TMEM267: variants seen among roughly 807,000 people sequenced by gnomAD.
TMEM267 encodes transmembrane protein C5orf28.
TMEM267 carries 20 observed loss-of-function variants against 19.3 expected under a neutral mutation model. That is an observed-to-expected ratio of 1.04 (90% confidence interval 0.73 to 1.51). The LOEUF (loss-of-function observed/expected upper bound fraction) is 1.51, where lower values mean the gene tolerates loss of function less well. TMEM267 is among the 40% of genes most tolerant of loss of function. The probability of loss-of-function intolerance (pLI) is 0.00; values close to 1 mark genes in which losing one functional copy is unlikely to be tolerated. For synonymous variants in TMEM267, 88 were observed against 90.3 expected (o/e 0.97, Z 0.15); for missense variants, 242 against 261.9 (o/e 0.92, Z 0.52).
At chr5:43,449,569 G>A (rs758381368) in intron 2 of TMEM267, among the ~76,000 whole-genome samples, 1 of 152,186 alleles carries the variant, frequency 6.6e-6, no homozygotes, top group Non-Finnish European at 1.5e-5. Context: ...CTGTAATAAT[G>A]ATAAAAGAAC....
At position 43,445,295 on chromosome 5, in the gene TMEM267, G is replaced by A. The variant is rs1742182373; in HGVS notation, c.*927C>T. The A allele has an allele frequency of 6.6e-6, 1 of 151,868 alleles. No individual in the cohort carries two copies. Among genetic ancestry groups the A allele is most frequent in the Non-Finnish European group, 1.5e-5 (1 of 67,970 alleles). The allele number at this position is 151,868 out of a possible 1,614,324, so 9.4% of individuals were successfully genotyped here. Reference sequence around the variant, plus strand: ...GTATCAGGCAGAGTAAAATATTTTAGAATAGTATATAAAATAGTATATAAA... The same window carrying A: ...GTATCAGGCAGAGTAAAATATTTTAAAATAGTATATAAAATAGTATATAAA... On this transcript the variant is annotated 3_prime_UTR_variant, in exon 3 of 3. Coordinates refer to ENST00000397080, the MANE Select transcript of TMEM267 (RefSeq NM_022483.5).
Position 43,482,839 on chromosome 5 carries a change from C to G in TMEM267, c.-75+983G>C, listed in dbSNP as rs576191199. 6.6e-5 allele frequency among the ~76,000 whole-genome samples: 10 copies of G among 152,314 alleles called. No homozygotes were observed. The South Asian group carries it at 2.1e-3, about 32-fold the overall frequency. ...CTGAATTCCACAAACATATAATTAG[C>G]TGGTCACTTTAATTATACGCTATCA... On this transcript the variant is annotated intron_variant, in intron 1 of 2. Transcript: ENST00000397080.
At chr5:43,472,003 AAC>A (rs1280855516) in intron 1 of TMEM267, among the ~76,000 whole-genome samples, 1 of 152,208 alleles carries the variant, frequency 6.6e-6, no homozygotes, top group East Asian at 1.9e-4. Flanking sequence ...TGAAGAAAAA[AAC>A]ACAGAGAACG....
At position 43,446,559 on chromosome 5, in the gene TMEM267, T is replaced by C. The variant is rs1443514972; in HGVS notation, c.313-2A>G. On this transcript the variant is annotated splice_acceptor_variant, in intron 2 of 2. Coordinates refer to ENST00000397080, the MANE Select transcript of TMEM267 (RefSeq NM_022483.5). LOFTEE classifies it high-confidence loss of function. ...TCTTCGCGGGAGAGTCAAAGCAGCC[T>C]GAGGGAGCAAAGTAATAGCGAGTAT... The C allele has an allele frequency of 6.3e-7, 1 of 1,594,234 alleles. No individual in the cohort carries two copies. Among genetic ancestry groups the C allele is most frequent in the Non-Finnish European group, 8.6e-7 (1 of 1,167,938 alleles).
At chr5:43,471,085 C>T (rs1256067756) in intron 1 of TMEM267, among the ~76,000 whole-genome samples, 1 of 151,916 alleles carries the variant, frequency 6.6e-6, no homozygotes, top group Non-Finnish European at 1.5e-5. Flanking sequence ...AGATAAACAA[C>T]TTCAGTAAAG....
chr5:43,447,966 T>C (rs1742358083), intron 2 of TMEM267, among the ~76,000 whole-genome samples: 1 of 152,154 alleles, frequency 6.6e-6, no homozygotes, highest in East Asian at 1.9e-4. Context: ...AGACACTCTT[T>C]GGAGACTGGA....
At chr5:43,483,577 G>A (rs1312795503) in intron 1 of TMEM267, among the ~76,000 whole-genome samples, 1 of 152,144 alleles carries the variant, frequency 6.6e-6, no homozygotes, top group Non-Finnish European at 1.5e-5. Flanking sequence ...GCCGGAGGGC[G>A]GCGCCAGGGC....
intron 2 of TMEM267, among the ~76,000 whole-genome samples, chr5:43,449,068 G>A (rs1226858367): frequency 6.6e-6 from 1 of 151,994 alleles, no homozygotes; most frequent in Non-Finnish European, 1.5e-5. Context: ...GTATCCAAGG[G>A]AGAATAGGTC....
chr5:43,473,845 C>T (rs931470111), intron 1 of TMEM267, among the ~76,000 whole-genome samples: 5 of 152,298 alleles, frequency 3.3e-5, no homozygotes, highest in Admixed American at 1.3e-4. Context: ...GGAGGCATCA[C>T]GTGACCTGAC....
chr5:43,483,616 G>C (rs1206309999), intron 1 of TMEM267, among the ~76,000 whole-genome samples: 3 of 152,176 alleles, frequency 2.0e-5, no homozygotes, highest in Non-Finnish European at 4.4e-5. Flanking sequence ...CCGCGGGACG[G>C]TGCCGGCTCG....
At chr5:43,454,208 ATTTTT>A (rs374076278) in intron 1 of TMEM267, among the ~76,000 whole-genome samples, 165 bp from the exon 2 acceptor site, 3 of 133,652 alleles carry the variant, frequency 2.2e-5, no homozygotes, top group Non-Finnish European at 4.7e-5. Context: ...AGGAGAATAG[ATTTTT>A]TTTTTTTTTT....
chr5:43,474,289 C>T (rs1276340593), intron 1 of TMEM267, among the ~76,000 whole-genome samples: 1 of 152,198 alleles, frequency 6.6e-6, no homozygotes, highest in Non-Finnish European at 1.5e-5. Flanking sequence ...AGCTTCTACA[C>T]AGCAAAAGAA....
At chr5:43,453,488 C>G (rs1242073615) in intron 2 of TMEM267, among the ~76,000 whole-genome samples, 170 bp downstream of exon 2, 2 of 152,196 alleles carry the variant, frequency 1.3e-5, no homozygotes, top group African/African-American at 2.4e-5. Flanking sequence ...ATTTGATTAG[C>G]AACATGTCTG....
At chr5:43,448,598 G>T (rs1351408701) in intron 2 of TMEM267, among the ~76,000 whole-genome samples, 1 of 152,084 alleles carries the variant, frequency 6.6e-6, no homozygotes, top group Non-Finnish European at 1.5e-5. Context: ...CCAACATGAA[G>T]AAACCCCGTT....
chr5:43,456,070 T>G (rs1742931240), intron 1 of TMEM267, among the ~76,000 whole-genome samples: 2 of 151,636 alleles, frequency 1.3e-5, no homozygotes, highest in African/African-American at 4.8e-5. Flanking sequence ...CTCGAACTCC[T>G]GGCCTCAAGT....
intron 1 of TMEM267, among the ~76,000 whole-genome samples, chr5:43,459,616 G>T (rs925228699): frequency 6.6e-6 from 1 of 152,178 alleles, no homozygotes; most frequent in Non-Finnish European, 1.5e-5. Flanking sequence ...TGATTAATTA[G>T]AACTGAAAAG....
At chr5:43,471,636 C>T (rs1409631121) in intron 1 of TMEM267, among the ~76,000 whole-genome samples, 2 of 152,146 alleles carry the variant, frequency 1.3e-5, no homozygotes, top group Non-Finnish European at 2.9e-5. Context: ...AGAAACAAAT[C>T]TGCACACCTA....
At chr5:43,461,894 C>A (rs940312639) in intron 1 of TMEM267, among the ~76,000 whole-genome samples, 2 of 152,220 alleles carry the variant, frequency 1.3e-5, no homozygotes, top group Non-Finnish European at 2.9e-5. Flanking sequence ...ATAGGCCTGG[C>A]TGGCTTTGCT....
intron 1 of TMEM267, among the ~76,000 whole-genome samples, chr5:43,475,624 GA>G (rs1744368801): frequency 6.6e-6 from 1 of 151,740 alleles, no homozygotes; most frequent in Non-Finnish European, 1.5e-5. Flanking sequence ...AGGGAGGGAA[GA>G]AAATGTATCA....
Sources: gnomAD v4.1 joint callset for allele counts (sites outside exome capture counted in the v4.1 genomes callset) on GRCh38, gnomAD v4.1.1 for gene constraint, MANE v1.5 for transcripts, NCBI Gene and HGNC (gene_info 2026-07-23, HGNC 2026-07-21) for gene names.